PNLIPRP1: variants seen among roughly 807,000 people sequenced by gnomAD.
The protein encoded by PNLIPRP1 is inactive pancreatic lipase-related protein 1.
PNLIPRP1 carries 57 observed loss-of-function variants against 54.6 expected under a neutral mutation model. The observed-to-expected ratio is 1.04, with a 90% CI of 0.84 to 1.30. The LOEUF is 1.30. Among genes scored for constraint, PNLIPRP1 ranks in the 50% most tolerant of loss-of-function variants. The pLI, the probability that PNLIPRP1 is intolerant of heterozygous loss-of-function variation, is 0.00. For missense variants in PNLIPRP1, 567 were observed against 568.5 expected (o/e 1.00, Z 0.03); for synonymous variants, 232 against 208.8 (o/e 1.11, Z -0.96).
At chr10:116,603,753 C>A (rs1039506269) in intron 10 of PNLIPRP1, among the ~76,000 whole-genome samples, 1 of 152,020 alleles carries the variant, frequency 6.6e-6, no homozygotes, top group Admixed American at 6.6e-5. Context: ...ATTAGCCAGG[C>A]GTGATGGTGT....
At chr10:116,592,786 G>A in intron 4 of PNLIPRP1, 2 of 550,536 alleles carry the variant, frequency 3.6e-6, no homozygotes, top group Non-Finnish European at 6.8e-6. Flanking sequence ...AAGGCCTGAT[G>A]TTTTCTGCTT....
At position 116,605,543 on chromosome 10, in the gene PNLIPRP1, G is replaced by A; in HGVS notation, c.1330G>A (p.Glu444Lys). 3 of 1,596,574 alleles carry A rather than the reference G, an allele frequency of 1.9e-6. No homozygotes were observed. The highest frequency in any genetic ancestry group is 8.6e-7 in the Non-Finnish European group (1 of 1,168,144). The change falls in exon 12 of 13, where the codon GAG becomes AAG. Residue 444 changes from glutamate (E) to lysine (K), a missense_variant. Physicochemically the swap from Glu to Lys is moderately conservative, Grantham distance 56. Coordinates refer to ENST00000358834, the MANE Select transcript of PNLIPRP1 (RefSeq NM_006229.4). ...CAAGATCACTGTGCAAAAGGGAGAAGAGAAGACAGTGTATGTATCTTTGCT... is the reference window on the plus strand; with the variant it reads ...CAAGATCACTGTGCAAAAGGGAGAAAAGAAGACAGTGTATGTATCTTTGCT... Reference protein sequence around the residue: ...ATKITVQKGEEKTVYNFCSED... With the variant: ...ATKITVQKGEKKTVYNFCSED...
intron 2 of PNLIPRP1, 29 bp from the exon 3 acceptor site, chr10:116,591,742 C>T (rs1418961284): frequency 2.5e-6 from 4 of 1,612,284 alleles, no homozygotes; most frequent in Non-Finnish European, 2.5e-6. Context: ...GAGAGCAAAT[C>T]CTTGAGCAGA....
At chr10:116,592,032 C>A in intron 3 of PNLIPRP1, 107 bp downstream of exon 3, 2 of 1,235,488 alleles carry the variant, frequency 1.6e-6, no homozygotes, top group Non-Finnish European at 2.3e-6. Context: ...CCATGCCCCA[C>A]CCCATCCCTC....
At chr10:116,599,256 G>GAAAAT (rs10640431) in intron 8 of PNLIPRP1, among the ~76,000 whole-genome samples, 3,118 of 133,892 alleles carry the variant, frequency 0.023, 66 homozygotes, top group African/African-American at 0.039. Flanking sequence ...ACTCCATCTC[G>GAAAAT]AAAATAAAAT....
At chr10:116,596,344 C>T (rs782220303) in intron 6 of PNLIPRP1, 22 bp downstream of exon 6, 1 of 1,468,818 alleles carries the variant, frequency 6.8e-7, no homozygotes, top group Non-Finnish European at 9.5e-7. Context: ...GAGGCAGGGC[C>T]CCAGTTTTGT....
chr10:116,604,444 C>T (rs912853192), intron 11 of PNLIPRP1, among the ~76,000 whole-genome samples: 4 of 152,124 alleles, frequency 2.6e-5, no homozygotes, highest in African/African-American at 9.7e-5. Context: ...AACCTAGGAG[C>T]AATAGGCTGT....
chr10:116,595,942 A>G, intron 5 of PNLIPRP1: 1 of 321,468 alleles, frequency 3.1e-6, no homozygotes, highest in Non-Finnish European at 5.8e-6. Flanking sequence ...GGGATAGACA[A>G]CAACAAGAAG....
chr10:116,605,287 T>C, intron 11 of PNLIPRP1, 99 bp from the exon 12 acceptor site: 2 of 630,784 alleles, frequency 3.2e-6, no homozygotes, highest in Non-Finnish European at 5.1e-6. Context: ...TTCGGAAAAA[T>C]AATCCTGTTA....
chr10:116,592,187 A>T, intron 3 of PNLIPRP1: 2 of 634,940 alleles, frequency 3.1e-6, no homozygotes, highest in Middle Eastern at 4.3e-4. Context: ...TCTAACAAAA[A>T]CCACAGGGAA....
At chr10:116,601,351 T>A in intron 10 of PNLIPRP1, 150 bp downstream of exon 10, 2 of 730,476 alleles carry the variant, frequency 2.7e-6, no homozygotes, top group Non-Finnish European at 4.4e-6. Context: ...CAGTTACAAG[T>A]AAACTGAGGA....
intron 8 of PNLIPRP1, 151 bp downstream of exon 8, chr10:116,598,317 A>T: frequency 1.2e-6 from 1 of 823,770 alleles, no homozygotes; most frequent in Non-Finnish European, 1.8e-6. Flanking sequence ...AAATGTAGCT[A>T]CATAGTATTT....
chr10:116,600,763 G>A (rs901568807), intron 9 of PNLIPRP1, among the ~76,000 whole-genome samples: 1 of 152,176 alleles, frequency 6.6e-6, no homozygotes, highest in East Asian at 1.9e-4. Flanking sequence ...CTGCAATCCA[G>A]GGTTTTTGTC....
intron 12 of PNLIPRP1, among the ~76,000 whole-genome samples, chr10:116,607,142 A>G (rs1379448428): frequency 6.6e-6 from 1 of 151,990 alleles, no homozygotes; most frequent in African/African-American, 2.4e-5. Flanking sequence ...AATTCCTACT[A>G]AGGAATCTGC....
intron 12 of PNLIPRP1, 70 bp from the exon 13 acceptor site, chr10:116,608,982 CA>C (rs1554865934): frequency 1.3e-4 from 117 of 909,142 alleles, no homozygotes; most frequent in Middle Eastern, 5.1e-4. Flanking sequence ...CAAACCAAAC[CA>C]AAACAAAACA....
chr10:116,605,124 C>T (rs192504253), intron 11 of PNLIPRP1, among the ~76,000 whole-genome samples: 1 of 152,054 alleles, frequency 6.6e-6, no homozygotes. Flanking sequence ...ACAAATAATT[C>T]TTCCAAAACA....
Position 116,609,106 on chromosome 10 carries a change from C to T in PNLIPRP1, c.1394C>T (p.Thr465Met), listed in dbSNP as rs781957848. Residue 465 changes from threonine to methionine, a missense_variant, in exon 13 of 13, where the codon ACG (threonine) becomes ATG (methionine). By Grantham distance (81) the Thr-to-Met change is moderately conservative. Coordinates refer to ENST00000358834, the MANE Select transcript of PNLIPRP1 (RefSeq NM_006229.4). Reference protein sequence around the residue: ...TVREDTLLTLTPC With the variant: ...TVREDTLLTLMPC ...CGGGAAGACACGCTGCTCACCCTCA[C>T]GCCCTGCTAAGCTCCCGGGGCGACG... 2 of 1,610,774 alleles carry T rather than the reference C, an allele frequency of 1.2e-6. No homozygotes were observed. Among genetic ancestry groups the T allele is most frequent in the Non-Finnish European group, 1.7e-6 (2 of 1,178,040 alleles).
rs781853536 is a variant in PNLIPRP1, at chr10:116,598,147, T to C, written c.795T>C (p.Asp265=). The change falls in exon 8 of 13, where the codon GAT becomes GAC. Residue 265 remains aspartate, a synonymous_variant. Coordinates refer to ENST00000358834, the MANE Select transcript of PNLIPRP1 (RefSeq NM_006229.4). The part of the protein sequence containing the change: ...CKKNALSQIV[D]LDGIWAGTRD... ...AGAATGCCCTGTCTCAGATCGTGGA[T>C]CTAGATGGCATCTGGGCGGGTAAAG... The C allele has an allele frequency of 5.0e-6, 8 of 1,613,744 alleles. No individual in the cohort carries two copies. In the African/African-American group the frequency reaches 1.1e-4, roughly 22 times the overall value.
At chr10:116,591,253 C>G in intron 2 of PNLIPRP1, 75 bp downstream of exon 2, 1 of 1,196,284 alleles carries the variant, frequency 8.4e-7, no homozygotes, top group Non-Finnish European at 1.2e-6. Flanking sequence ...AAAGCTTTAA[C>G]TGTGGCAGGG....
Sources: gnomAD v4.1 joint callset for allele counts (sites outside exome capture counted in the v4.1 genomes callset) on GRCh38, gnomAD v4.1.1 for gene constraint, MANE v1.5 for transcripts, NCBI Gene and HGNC (gene_info 2026-07-23, HGNC 2026-07-21) for gene names.